FAM186B: variants seen among roughly 807,000 people sequenced by gnomAD.
The protein encoded by FAM186B is protein FAM186B.
Under a neutral mutation model 83.4 loss-of-function variants are expected in FAM186B, and 68 were observed. The ratio of observed to expected loss-of-function variants is 0.81; its 90% CI spans 0.67 to 1.00. The LOEUF (loss-of-function observed/expected upper bound fraction) is 1.00, where lower values mean the gene tolerates loss of function less well. Among genes scored for constraint, FAM186B ranks in the 50% least tolerant of loss-of-function variants. FAM186B has a pLI of 0.00. For synonymous variants in FAM186B, 389 were observed against 422.0 expected, an observed-to-expected ratio of 0.92 and a Z score of 0.96; for missense variants, 983 against 1,099.2, an observed-to-expected ratio of 0.89 and a Z score of 1.49.
chr12:49,585,901 A>G (rs1368264540), downstream of FAM186B, among the ~76,000 whole-genome samples: 1 of 152,146 alleles, frequency 6.6e-6, no homozygotes, highest in Non-Finnish European at 1.5e-5. Flanking sequence ...ACCCTGAGGT[A>G]GCAGCCTGGG....
Position 49,605,575 on chromosome 12 carries a change from G to A in FAM186B, c.-98C>T. On this transcript the variant is annotated 5_prime_UTR_variant, in exon 1 of 7. Transcript: ENST00000257894. Reference sequence around the variant, plus strand: ...CTTTGGAGGTTAAGGGCACCAGGGTGTCTCCTGGGTACCCTCTGCCCAGGC... The same window carrying A: ...CTTTGGAGGTTAAGGGCACCAGGGTATCTCCTGGGTACCCTCTGCCCAGGC... 1 of 1,323,574 alleles carries A rather than the reference G, an allele frequency of 7.6e-7. No individual in the cohort carries two copies. The highest frequency in any genetic ancestry group is 1.0e-6 in the Non-Finnish European group (1 of 964,906). The allele number at this position is 1,323,574 out of a possible 1,614,324, so 82.0% of individuals were successfully genotyped here. A position where few individuals can be genotyped will look rare whatever the true frequency, so the allele number is the denominator to read the frequency against.
Position 49,605,389 on chromosome 12 carries a change from G to C in FAM186B, c.89C>G (p.Ala30Gly). ...CTTCATCTCAGGGGCTACCTCTTGA[G>C]CCCGAGTTAGCTGGGCAGCCTCAAT... The part of the protein sequence containing the change: ...LRIEAAQLTR[A>G]QEDISTQLSD... The change falls in exon 1 of 7, where the codon GCT (alanine) becomes GGT (glycine). Residue 30 changes from alanine (A) to glycine (G), a missense_variant. Coordinates refer to ENST00000257894, the MANE Select transcript of FAM186B (RefSeq NM_032130.3). 1 of 1,612,702 alleles carries C rather than the reference G, an allele frequency of 6.2e-7. No homozygotes were observed. Among genetic ancestry groups the C allele is most frequent in the Non-Finnish European group, 8.5e-7 (1 of 1,179,508 alleles).
At chr12:49,616,800 T>C in the FAM186B span, among the ~76,000 whole-genome samples, 6 of 152,214 alleles carry the variant, frequency 3.9e-5, no homozygotes, top group African/African-American at 4.8e-5. Context: ...ACTGGATACA[T>C]CTGTGAAAAT....
chr12:49,613,697 G>GCT, the FAM186B span, among the ~76,000 whole-genome samples: 2 of 151,376 alleles, frequency 1.3e-5, no homozygotes, highest in African/African-American at 4.9e-5. Flanking sequence ...AACTTAACCA[G>GCT]GCATGGTGGC....
At chr12:49,608,889 C>A (rs1191995577), upstream of FAM186B, among the ~76,000 whole-genome samples, 2 of 152,186 alleles carry the variant, frequency 1.3e-5, no homozygotes, top group East Asian at 3.9e-4. Flanking sequence ...TTTGGAGACA[C>A]TGAGAAGGAA....
At position 49,602,539 on chromosome 12, in the gene FAM186B, G is replaced by A. The variant is rs80313466; in HGVS notation, c.505+646C>T. ...TTCTGTTTATATATGAGGAAACTGA[G>A]GCTCAGAGAGATGAAGTCCTTGCCC... is the stretch of plus-strand genomic sequence containing the variant. On this transcript the variant is annotated intron_variant, in intron 3 of 6. Coordinates refer to ENST00000257894, the MANE Select transcript of FAM186B (RefSeq NM_032130.3). Among the ~76,000 whole-genome samples the A allele has an allele frequency of 1.1e-3, 165 of 152,280 alleles. 2 individuals carry two copies. In the East Asian group the frequency reaches 0.027, roughly 25 times the overall value.
the FAM186B span, among the ~76,000 whole-genome samples, chr12:49,614,578 A>G: frequency 6.6e-6 from 1 of 152,164 alleles, no homozygotes; most frequent in Non-Finnish European, 1.5e-5. Flanking sequence ...GGAGTACGGG[A>G]AGCAGGAGGG....
chr12:49,587,798 T>A, intron 6 of FAM186B, 46 bp from the exon 7 acceptor site: 1 of 1,577,610 alleles, frequency 6.3e-7, no homozygotes, highest in South Asian at 1.2e-5. Context: ...CAGAGAGAGA[T>A]TGAGATGCAA....
Position 49,600,848 on chromosome 12 carries a change from C to T in FAM186B, c.792G>A (p.Leu264=), listed in dbSNP as rs1387243810. The T allele has an allele frequency of 1.9e-6, 3 of 1,612,642 alleles. No homozygotes were observed. The highest frequency in any genetic ancestry group is 2.5e-6 in the Non-Finnish European group (3 of 1,179,504). Residue 264 remains leucine, a synonymous_variant, in exon 4 of 7, where the codon CTG becomes CTA. Transcript: ENST00000257894. The surrounding 1 kb of genome is among the most constrained non-coding windows in gnomAD (Gnocchi z 4.3). ...NRSLETKYRH[L]QMQATKELSS... is the part of the protein sequence containing the mutation. Reference sequence around the variant, plus strand: ...TGAGCTCTTTGGTCGCCTGCATTTGCAGGTGCCTGTATTTGGTCTCCAGGC... The same window carrying T: ...TGAGCTCTTTGGTCGCCTGCATTTGTAGGTGCCTGTATTTGGTCTCCAGGC...
upstream of FAM186B, among the ~76,000 whole-genome samples, chr12:49,606,398 G>A (rs561940847): frequency 2.6e-5 from 4 of 151,870 alleles, no homozygotes; most frequent in African/African-American, 9.7e-5. Context: ...GAGAGGTTGA[G>A]ATGGGAGGAT....
At chr12:49,595,382 T>C (rs1431861073) in intron 5 of FAM186B, 2 of 547,704 alleles carry the variant, frequency 3.7e-6, no homozygotes, top group African/African-American at 3.8e-5. Context: ...TCTGCTTCTG[T>C]GAAGGAGATA....
chr12:49,595,935 G>C (rs1252849563), intron 5 of FAM186B, among the ~76,000 whole-genome samples: 1 of 152,226 alleles, frequency 6.6e-6, no homozygotes, highest in Non-Finnish European at 1.5e-5. Flanking sequence ...AGTGAGCCGA[G>C]ATGGCGCCAC....
intron 5 of FAM186B, chr12:49,595,571 T>C: frequency 2.3e-6 from 1 of 441,392 alleles, no homozygotes; most frequent in Non-Finnish European, 4.6e-6. Flanking sequence ...AAGGACGGCC[T>C]GAAATTCTTA....
chr12:49,613,192 A>G, the FAM186B span, among the ~76,000 whole-genome samples: 1 of 152,220 alleles, frequency 6.6e-6, no homozygotes, highest in Non-Finnish European at 1.5e-5. Context: ...AAATGAAAAC[A>G]TTCCAAGAGG....
rs779837829 is a variant in FAM186B, at chr12:49,598,848, C to T, written c.2271G>A (p.Gln757=). 5 of 1,613,326 alleles carry T rather than the reference C, an allele frequency of 3.1e-6. No homozygotes were observed. The South Asian group carries it at 4.4e-5, about 14-fold the overall frequency. The change falls in exon 5 of 7, where the codon CAG becomes CAA. Residue 757 remains glutamine (Q), a synonymous_variant. Transcript: ENST00000257894. ...CCGTCCAGGCCTGCAGCCTGAGACT[C>T]TGCAGGCGGTCAATGTTTTCCAGGA... ...YIFLENIDRL[Q]SLRLQAWTDK...
chr12:49,592,143 A>C (rs1939594231), intron 5 of FAM186B, among the ~76,000 whole-genome samples: 1 of 152,214 alleles, frequency 6.6e-6, no homozygotes, highest in Non-Finnish European at 1.5e-5. Context: ...ACATGAAATA[A>C]TATTATTTGA....
intron 5 of FAM186B, 116 bp downstream of exon 5, chr12:49,598,639 G>T: frequency 3.3e-6 from 3 of 911,800 alleles, no homozygotes; most frequent in Non-Finnish European, 4.9e-6. Flanking sequence ...TTTCCCTTCT[G>T]CCCCTGGTCC....
chr12:49,593,452 T>A (rs1939633949), intron 5 of FAM186B, among the ~76,000 whole-genome samples: 1 of 151,986 alleles, frequency 6.6e-6, no homozygotes, highest in Non-Finnish European at 1.5e-5. Flanking sequence ...CTGGCCAACA[T>A]GGCGAACCCC....
At chr12:49,617,153 C>T in the FAM186B span, among the ~76,000 whole-genome samples, 1 of 152,122 alleles carries the variant, frequency 6.6e-6, no homozygotes, top group Non-Finnish European at 1.5e-5. Flanking sequence ...GATCGCTAGC[C>T]CGGGAGAGAT....
Sources: allele counts gnomAD v4.1 joint callset (sites outside exome capture counted in the v4.1 genomes callset), GRCh38; gene constraint gnomAD v4.1.1; non-coding constraint Gnocchi (gnomAD v3.1); transcripts MANE v1.5; gene names NCBI Gene and HGNC (gene_info 2026-07-23, HGNC 2026-07-21).